WDR7: variants seen among roughly 807,000 people sequenced by gnomAD.
WDR7 encodes WD repeat-containing protein 7.
Under a neutral mutation model 169.4 loss-of-function variants are expected in WDR7, and 46 were observed. The ratio of observed to expected loss-of-function variants is 0.27; its 90% confidence interval spans 0.21 to 0.35. The LOEUF (loss-of-function observed/expected upper bound fraction) is 0.35, where lower values mean the gene tolerates loss of function less well. Ranked by LOEUF, WDR7 falls within the 10% of genes least tolerant of loss-of-function variation. The probability of loss-of-function intolerance (pLI) is 1.00; values close to 1 mark genes in which losing one functional copy is unlikely to be tolerated. For synonymous variants in WDR7, 612 were observed against 666.8 expected (o/e 0.92, Z 1.27); for missense variants, 1,534 against 1,859.3 (o/e 0.83, Z 3.22).
intron 25 of WDR7, among the ~76,000 whole-genome samples, chr18:56,953,220 A>T (rs118100674): frequency 0.019 from 2,901 of 152,316 alleles, 46 homozygotes; most frequent in Middle Eastern, 0.037. Context: ...CCGTATTTTT[A>T]AAAAAGCATA....
intron 1 of WDR7, among the ~76,000 whole-genome samples, chr18:56,665,877 G>A (rs1045242184): frequency 6.6e-6 from 1 of 152,132 alleles, no homozygotes; most frequent in Non-Finnish European, 1.5e-5. Flanking sequence ...AAGTTGAGTC[G>A]TGATGAGTCT....
rs1464897763 is a variant in WDR7 at position 57,001,045 on chromosome 18, AAAAGAG to A, written c.4165-19698_4165-19693del. ...TAAAACCATGAGACCCCATCTCTAC[AAAAGAG>A]AGAGAGAGAGAGAGAGAGAGAGAGA... On this transcript the variant is annotated intron_variant, in intron 26 of 27. Coordinates refer to ENST00000254442, the MANE Select transcript of WDR7 (RefSeq NM_015285.3). Among the ~76,000 whole-genome samples the A allele has an allele frequency of 1.1e-3, 115 of 109,430 alleles. 4 individuals are homozygous for A. In the South Asian group the frequency reaches 0.037, roughly 35 times the overall value. 71.8% of individuals were successfully genotyped at this position (109,430 alleles called of 152,430 possible).
chr18:56,709,013 A>G (rs1365120524), intron 12 of WDR7, among the ~76,000 whole-genome samples: 4 of 152,104 alleles, frequency 2.6e-5, no homozygotes, highest in Middle Eastern at 3.2e-3. Context: ...TCAGTCTCTA[A>G]AACCCATAAA....
At chr18:56,663,596 C>T (rs544450112) in intron 1 of WDR7, among the ~76,000 whole-genome samples, 191 of 146,640 alleles carry the variant, frequency 1.3e-3, no homozygotes, top group Non-Finnish European at 2.3e-3. Context: ...TTTTTAAAAA[C>T]ACACATATAT....
intron 27 of WDR7, among the ~76,000 whole-genome samples, chr18:57,022,661 T>G (rs2048308301): frequency 6.6e-6 from 1 of 152,340 alleles, no homozygotes; most frequent in South Asian, 2.1e-4. Context: ...ATCTTCAAGG[T>G]TTTATTTGGA....
At chr18:56,856,117 C>T (rs1025364509) in intron 20 of WDR7, among the ~76,000 whole-genome samples, 3 of 152,154 alleles carry the variant, frequency 2.0e-5, no homozygotes, top group Admixed American at 6.5e-5. Context: ...ACCAAAATTT[C>T]CAAGACTGAC....
intron 1 of WDR7, among the ~76,000 whole-genome samples, chr18:56,668,974 G>A (rs1422233110): frequency 6.6e-6 from 1 of 151,520 alleles, no homozygotes; most frequent in Non-Finnish European, 1.5e-5. Context: ...TTACATATAT[G>A]GTCGCTTGAT....
chr18:56,715,318 C>T (rs2469461), intron 12 of WDR7, among the ~76,000 whole-genome samples: 14,607 of 152,130 alleles, frequency 0.096, 852 homozygotes, highest in Non-Finnish European at 0.13. Flanking sequence ...ATTTTAGGAA[C>T]GCCTAACATA....
chr18:56,726,026 A>G (rs9748377), intron 13 of WDR7, among the ~76,000 whole-genome samples: 139,886 of 152,202 alleles, frequency 0.92, 65,425 homozygotes, highest in East Asian at 1. Flanking sequence ...GTCTGTTTTG[A>G]TATCAGTACC....
intron 20 of WDR7, among the ~76,000 whole-genome samples, chr18:56,820,211 G>A (rs955517365): frequency 6.6e-6 from 1 of 151,532 alleles, no homozygotes; most frequent in Admixed American, 6.6e-5. Flanking sequence ...AAACCTGCAT[G>A]TATGCCTTTA....
intron 25 of WDR7, among the ~76,000 whole-genome samples, chr18:56,943,562 T>C (rs2047061239): frequency 6.6e-6 from 1 of 152,190 alleles, no homozygotes; most frequent in South Asian, 2.1e-4. Flanking sequence ...ATATTATTTT[T>C]CCATGGATCT....
chr18:56,929,870 A>G (rs1002637968), intron 22 of WDR7, among the ~76,000 whole-genome samples: 4 of 152,216 alleles, frequency 2.6e-5, no homozygotes, highest in African/African-American at 9.6e-5. Context: ...ATGGTCATGT[A>G]CATATTGATT....
intron 20 of WDR7, among the ~76,000 whole-genome samples, chr18:56,832,782 A>AT (rs1276813498): frequency 6.6e-6 from 1 of 152,202 alleles, no homozygotes; most frequent in African/African-American, 2.4e-5. Context: ...ACAGAAAGGA[A>AT]TAGCATCAAC....
chr18:56,813,727 GTTTTC>G (rs777010416), intron 19 of WDR7, among the ~76,000 whole-genome samples: 2 of 151,780 alleles, frequency 1.3e-5, no homozygotes, highest in Non-Finnish European at 2.9e-5. Context: ...CTGGTCTGTA[GTTTTC>G]TTTTCTTTGT....
chr18:57,030,996 A>G (rs895838798), downstream of WDR7: 3 of 152,128 alleles, frequency 2.0e-5, no homozygotes, highest in African/African-American at 7.2e-5. Flanking sequence ...CAAAACTTAC[A>G]TTTTTGTAGC....
intron 22 of WDR7, 92 bp downstream of exon 22, chr18:56,924,200 G>C: frequency 1.4e-6 from 2 of 1,400,988 alleles, no homozygotes; most frequent in Non-Finnish European, 1.9e-6. Context: ...TATAGATTGT[G>C]CATGTTTAAT....
chr18:56,951,835 C>T (rs1033103813), intron 25 of WDR7, among the ~76,000 whole-genome samples: 1 of 152,058 alleles, frequency 6.6e-6, no homozygotes, highest in South Asian at 2.1e-4. Flanking sequence ...CCCCTTTAAA[C>T]TCTTAAAAAT....
rs1408865881 is a variant in WDR7 at position 56,977,666 on chromosome 18, G to T, written c.4164+15137G>T. On this transcript the variant is annotated intron_variant, in intron 26 of 27. Transcript: ENST00000254442. The stretch of plus-strand genomic sequence containing the variant: ...ATCTTAATCTAGAATATTCATTAAT[G>T]CAGAGAAAGGTATTAAAAACGTAGT... Among the ~76,000 whole-genome samples the T allele has an allele frequency of 2.0e-5, 3 of 152,204 alleles. 1 individual carries two copies. The East Asian group carries it at 5.8e-4, about 29-fold the overall frequency.
intron 13 of WDR7, among the ~76,000 whole-genome samples, chr18:56,722,032 T>G (rs1451604073): frequency 1.3e-5 from 2 of 152,222 alleles, no homozygotes; most frequent in Non-Finnish European, 2.9e-5. Flanking sequence ...TTTCTCTTTT[T>G]GCATGTACTT....
Sources: allele counts gnomAD v4.1 joint callset (sites outside exome capture counted in the v4.1 genomes callset), GRCh38; gene constraint gnomAD v4.1.1; transcripts MANE v1.5; gene names NCBI Gene and HGNC (gene_info 2026-07-23, HGNC 2026-07-21).